The following ABLIM2 variants were observed in gnomAD, a reference collection of about 807,000 sequenced individuals.
ABLIM2 encodes actin-binding LIM protein 2.
ABLIM2 carries 53 observed loss-of-function variants against 97.7 expected under a neutral mutation model. That is an observed-to-expected ratio of 0.54 (90% CI 0.44 to 0.68). The LOEUF (loss-of-function observed/expected upper bound fraction) is 0.68. Ranked by LOEUF, ABLIM2 falls within the 30% of genes least tolerant of loss-of-function variation. The pLI is 0.00. For synonymous variants in ABLIM2, 361 were observed against 345.8 expected (o/e 1.04, Z -0.49); for missense variants, 835 against 867.2 (o/e 0.96, Z 0.47).
intron 3 of ABLIM2, among the ~76,000 whole-genome samples, chr4:8,096,196 G>C (rs902392349): frequency 1.3e-5 from 2 of 152,164 alleles, no homozygotes; most frequent in African/African-American, 4.8e-5. Flanking sequence ...TTAGTTCTGA[G>C]CTCCAGAGTC....
At chr4:7,984,735 G>T in intron 18 of ABLIM2, 104 bp downstream of exon 18, 1 of 1,290,006 alleles carries the variant, frequency 7.8e-7, no homozygotes, top group Non-Finnish European at 1.1e-6. Context: ...CACTCCCGGA[G>T]CCTTCTGCAG....
At chr4:8,059,621 C>T (rs1164931867) in intron 7 of ABLIM2, among the ~76,000 whole-genome samples, 1 of 152,026 alleles carries the variant, frequency 6.6e-6, no homozygotes, top group East Asian at 1.9e-4. Flanking sequence ...TCTTTGATGG[C>T]CGGGGCATGG....
rs527305354 is a variant in ABLIM2 at position 8,037,257 on chromosome 4, T to C, written c.901-962A>G. 9.2e-5 allele frequency among the ~76,000 whole-genome samples: 14 copies of C among 152,004 alleles called. No homozygotes were observed. The South Asian group carries it at 1.5e-3, about 16-fold the overall frequency. On this transcript the variant is annotated intron_variant, in intron 9 of 20. Transcript: ENST00000447017. ...CATGGATACAAAGGGTGATGATACATACCTACACATACATGTGCACACACA... is the reference window on the plus strand; with the variant it reads ...CATGGATACAAAGGGTGATGATACACACCTACACATACATGTGCACACACA...
chr4:8,158,780 G>C lies in ABLIM2; in HGVS notation c.-91C>G, dbSNP rs866470948. Reference sequence around the variant, plus strand: ...GCCGCGCCCGCGCTATCCTCCGCCCGCCCGCCGGCTCCGCGCCCGCTCCTT... The same window carrying C: ...GCCGCGCCCGCGCTATCCTCCGCCCCCCCGCCGGCTCCGCGCCCGCTCCTT... On this transcript the variant is annotated 5_prime_UTR_variant, in exon 1 of 21. Transcript: ENST00000447017. 2.5e-6 allele frequency: 3 copies of C among 1,182,354 alleles called. No individual in the cohort carries two copies. The Middle Eastern group carries it at 9.6e-4, about 379-fold the overall frequency. The allele number at this position is 1,182,354 out of a possible 1,614,324, so 73.2% of individuals were successfully genotyped here. A position where few individuals can be genotyped will look rare whatever the true frequency, so the allele number is the denominator to read the frequency against.
At chr4:8,042,334 T>C (rs1455639783) in intron 9 of ABLIM2, among the ~76,000 whole-genome samples, 1 of 152,208 alleles carries the variant, frequency 6.6e-6, no homozygotes, top group Non-Finnish European at 1.5e-5. Context: ...GTGCACAACC[T>C]GGCCATGGAG....
intron 1 of ABLIM2, among the ~76,000 whole-genome samples, chr4:8,110,829 C>T (rs1365131805): frequency 6.6e-6 from 1 of 152,208 alleles, no homozygotes; most frequent in African/African-American, 2.4e-5. Context: ...GTGGGGACGC[C>T]GCTGCCTCCA....
chr4:8,020,745 A>G (rs901132441), intron 12 of ABLIM2: 2 of 180,762 alleles, frequency 1.1e-5, no homozygotes, highest in South Asian at 1.2e-4. Flanking sequence ...GAATAGGATT[A>G]AAGCACTAAA....
intron 7 of ABLIM2, among the ~76,000 whole-genome samples, chr4:8,055,052 T>G (rs1445604262): frequency 1.3e-5 from 2 of 151,724 alleles, no homozygotes; most frequent in African/African-American, 4.8e-5. Flanking sequence ...GTTTTTGTTT[T>G]TTTTTTTTCC....
chr4:8,018,387 C>T (rs1026520518), intron 14 of ABLIM2, among the ~76,000 whole-genome samples: 1 of 152,194 alleles, frequency 6.6e-6, no homozygotes, highest in Non-Finnish European at 1.5e-5. Flanking sequence ...TCAGTTTCCC[C>T]ACTTGTAACC....
At chr4:8,053,589 C>T (rs1426740267) in intron 8 of ABLIM2, among the ~76,000 whole-genome samples, 1 of 152,168 alleles carries the variant, frequency 6.6e-6, no homozygotes, top group Non-Finnish European at 1.5e-5. Context: ...CATTGGAGTT[C>T]ACCAAATGAG....
At chr4:8,010,640 T>C in intron 14 of ABLIM2, 1 of 940,852 alleles carries the variant, frequency 1.1e-6, no homozygotes, top group Non-Finnish European at 1.3e-6. Flanking sequence ...CTGTTTCTCC[T>C]TCTTCCAGGA....
At position 8,132,037 on chromosome 4, in the gene ABLIM2, C is replaced by T. The variant is rs1053616749; in HGVS notation, c.11-25400G>A. 1.2e-4 allele frequency among the ~76,000 whole-genome samples: 18 copies of T among 151,916 alleles called. No homozygotes were observed. Among genetic ancestry groups the T allele is most frequent in the African/African-American group, 3.6e-4 (15 of 41,442 alleles). On this transcript the variant is annotated intron_variant, in intron 1 of 20. Transcript: ENST00000447017. The surrounding 1 kb of genome is among the most constrained non-coding windows in gnomAD (Gnocchi z 8.0). ...TCCCCTGCACGGCAGCCTGCATCCC[C>T]GAGCACAGCTGTGCCGGCCGAGCTC...
chr4:8,014,448 T>C (rs533779472), intron 14 of ABLIM2, among the ~76,000 whole-genome samples: 89 of 152,240 alleles, frequency 5.8e-4, no homozygotes, highest in African/African-American at 2.0e-3. Flanking sequence ...TGGAATGACA[T>C]TGAGAGGAAG....
intron 20 of ABLIM2, among the ~76,000 whole-genome samples, chr4:7,968,176 A>G (rs1199497114): frequency 6.6e-6 from 1 of 152,212 alleles, no homozygotes; most frequent in African/African-American, 2.4e-5. Context: ...GAGGCTGGAG[A>G]AGGCCAGTGA....
chr4:8,014,920 CTTTCTTTT>C (rs1560621976), intron 14 of ABLIM2, among the ~76,000 whole-genome samples: 1 of 142,804 alleles, frequency 7.0e-6, no homozygotes, highest in Non-Finnish European at 1.5e-5. Context: ...TCCTTCCTTT[CTTTCTTTT>C]TTTTTTTTTT....
intron 6 of ABLIM2, chr4:8,066,540 G>T (rs1363907735): frequency 6.6e-6 from 1 of 152,126 alleles, no homozygotes; most frequent in Non-Finnish European, 1.5e-5. Context: ...AGAAATAGTG[G>T]CGTATCTATG....
At chr4:8,145,805 G>C (rs1385937356) in intron 1 of ABLIM2, among the ~76,000 whole-genome samples, 1 of 149,038 alleles carries the variant, frequency 6.7e-6, no homozygotes, top group Non-Finnish European at 1.5e-5. Flanking sequence ...CCCTGTGCTT[G>C]TAACATGTCA....
Position 8,087,839 on chromosome 4 carries a change from G to T in ABLIM2, c.454+330C>A, listed in dbSNP as rs939069625. On this transcript the variant is annotated intron_variant, in intron 4 of 20. Coordinates refer to ENST00000447017, the MANE Select transcript of ABLIM2 (RefSeq NM_001130083.2). The surrounding 1 kb of genome is among the most constrained non-coding windows in gnomAD (Gnocchi z 4.6). ...GAAACAGCCAGTGCAAAGACTTGGC[G>T]GCACGAGAGCCCCAGAAACTTCCAT... Among the ~76,000 whole-genome samples, 1 of 151,954 alleles carries T rather than the reference G, an allele frequency of 6.6e-6. No individual in the cohort carries two copies. Among genetic ancestry groups the T allele is most frequent in the South Asian group, 2.1e-4 (1 of 4,820 alleles).
intron 17 of ABLIM2, among the ~76,000 whole-genome samples, chr4:7,989,072 C>A (rs200357699): frequency 1.2e-5 from 1 of 81,356 alleles, no homozygotes; most frequent in Non-Finnish European, 2.2e-5. Flanking sequence ...ACACATTAGT[C>A]TTTTTTTTTT....
Sources: gnomAD v4.1 joint callset for allele counts (sites outside exome capture counted in the v4.1 genomes callset) on GRCh38, gnomAD v4.1.1 for gene constraint, Gnocchi (gnomAD v3.1) non-coding constraint, MANE v1.5 for transcripts, NCBI Gene and HGNC (gene_info 2026-07-23, HGNC 2026-07-21) for gene names.